Variants in PLB1 observed in about 807,000 individuals in gnomAD.
PLB1 encodes the protein phospholipase B1, membrane-associated.
A neutral mutation model predicts 227.4 loss-of-function variants in PLB1; 242 were observed. That is an observed-to-expected ratio of 1.06 (90% CI 0.96 to 1.18). The LOEUF (loss-of-function observed/expected upper bound fraction) is 1.18, where lower values mean the gene tolerates loss of function less well. Among genes scored for constraint, PLB1 ranks in the 50% most tolerant of loss-of-function variants. The pLI is 0.00. For synonymous variants in PLB1, 757 were observed against 682.2 expected (o/e 1.11, Z -1.71); for missense variants, 1,858 against 1,816.3 (o/e 1.02, Z -0.42).
In PLB1 at chr2:28,536,868, C is replaced by T. The variant is rs35732289; in HGVS notation, c.556-1451C>T. On this transcript the variant is annotated intron_variant, in intron 9 of 57. Coordinates refer to ENST00000327757, the MANE Select transcript of PLB1 (RefSeq NM_153021.5). ...GAATGACTGGGTGGGCCCCAATTCC[C>T]TCTGCAGCTGCAAGTAAACACCTTG... 5.3e-3 allele frequency among the ~76,000 whole-genome samples: 805 copies of T among 152,310 alleles called. 7 individuals are homozygous for T. Among genetic ancestry groups the T allele is most frequent in the Non-Finnish European group, 9.4e-3 (638 of 68,014 alleles).
In PLB1 at chr2:28,569,984, GA is replaced by G. The variant is rs1558788917; in HGVS notation, c.1324+3151del. Among the ~76,000 whole-genome samples the G allele has an allele frequency of 2.5e-4, 9 of 36,312 alleles. 1 individual carries two copies. The highest frequency in any genetic ancestry group is 1.6e-3 in the Non-Finnish European group (9 of 5,752). 23.8% of individuals were successfully genotyped at this position (36,312 alleles called of 152,430 possible). The stretch of plus-strand genomic sequence containing the variant: ...CCATCTCAAAAAAAAAAAAAAGAAA[GA>G]AAAAAGAAAATCTGAATAGATTTAT... On this transcript the variant is annotated intron_variant, in intron 20 of 57. Coordinates refer to ENST00000327757, the MANE Select transcript of PLB1 (RefSeq NM_153021.5).
intron 22 of PLB1, among the ~76,000 whole-genome samples, chr2:28,579,311 T>G (rs1302153967): frequency 6.6e-6 from 1 of 152,120 alleles, no homozygotes; most frequent in Non-Finnish European, 1.5e-5. Context: ...CTTCCCCACT[T>G]CCTTGCTATG....
intron 11 of PLB1, 78 bp downstream of exon 11, chr2:28,539,256 C>A: frequency 1.5e-6 from 2 of 1,297,216 alleles, no homozygotes; most frequent in Non-Finnish European, 2.2e-6. Context: ...CCTTCATGTG[C>A]CGTAATCTAT....
intron 9 of PLB1, among the ~76,000 whole-genome samples, chr2:28,532,845 C>T (rs953782991): frequency 4.6e-5 from 7 of 152,176 alleles, no homozygotes; most frequent in African/African-American, 1.7e-4. Flanking sequence ...GGAAACAGGA[C>T]ATGAAGCGTG....
At chr2:28,608,491 C>T (rs71443087) in intron 43 of PLB1, among the ~76,000 whole-genome samples, 178 of 152,332 alleles carry the variant, frequency 1.2e-3, no homozygotes, top group Non-Finnish European at 2.1e-3. Context: ...TTCTCCCATC[C>T]GCAGTCTAAC....
At chr2:28,617,852 C>A in intron 45 of PLB1, 65 bp downstream of exon 45, 2 of 1,473,552 alleles carry the variant, frequency 1.4e-6, no homozygotes, top group Non-Finnish European at 1.9e-6. Flanking sequence ...TGTGGGGAGA[C>A]CCTGCAAACA....
chr2:28,559,610 A>G (rs1044301278), intron 17 of PLB1, among the ~76,000 whole-genome samples: 5 of 152,060 alleles, frequency 3.3e-5, no homozygotes, highest in Non-Finnish European at 5.9e-5. Context: ...TTTCCACTCA[A>G]TGTTAATCCG....
intron 51 of PLB1, among the ~76,000 whole-genome samples, chr2:28,627,555 C>G (rs1037008885): frequency 2.0e-5 from 3 of 152,192 alleles, no homozygotes; most frequent in African/African-American, 7.2e-5. Context: ...CTGGGAGACA[C>G]GAGGTCCCCT....
intron 49 of PLB1, among the ~76,000 whole-genome samples, chr2:28,622,506 T>G (rs1304397525): frequency 6.6e-6 from 1 of 152,250 alleles, no homozygotes; most frequent in East Asian, 1.9e-4. Context: ...ATCTTCAGTT[T>G]CAAAGTTTTT....
At position 28,579,676 on chromosome 2, in the gene PLB1, G is replaced by A; in HGVS notation, c.1535G>A (p.Gly512Asp). 1 of 1,613,344 alleles carries A rather than the reference G, an allele frequency of 6.2e-7. No individual in the cohort carries two copies. Among genetic ancestry groups the A allele is most frequent in the East Asian group, 2.2e-5 (1 of 44,856 alleles). ...AAGATAATAACCCTGTTTATAGGCG[G>A]CAATGACCTCTGTGATTTCTGCAAT... ...DWKIITLFIG[G>D]NDLCDFCNDL... The change falls in exon 23 of 58, where the codon GGC becomes GAC. Residue 512 changes from glycine (G) to aspartate (D), a missense_variant. Transcript: ENST00000327757.
chr2:28,522,890 T>C (rs1347349437), intron 4 of PLB1, among the ~76,000 whole-genome samples: 1 of 152,146 alleles, frequency 6.6e-6, no homozygotes, highest in African/African-American at 2.4e-5. Flanking sequence ...TGAACTTACC[T>C]GGGGTGTGTA....
At chr2:28,591,290 GC>G in intron 30 of PLB1, 119 bp downstream of exon 30, 3 of 1,258,440 alleles carry the variant, frequency 2.4e-6, no homozygotes, top group Non-Finnish European at 2.3e-6. Context: ...GGGCATAAAG[GC>G]CACCCACCTG....
At chr2:28,637,676 G>T (rs905076331) in intron 56 of PLB1, among the ~76,000 whole-genome samples, 1 of 152,192 alleles carries the variant, frequency 6.6e-6, no homozygotes, top group African/African-American at 2.4e-5. Context: ...GCATGTTACA[G>T]TCTAGTGACT....
intron 41 of PLB1, among the ~76,000 whole-genome samples, 189 bp downstream of exon 41, chr2:28,604,948 A>G (rs1194678139): frequency 6.6e-6 from 1 of 152,220 alleles, no homozygotes; most frequent in Non-Finnish European, 1.5e-5. Context: ...GACCCCTGTA[A>G]CAGCCTCCAT....
chr2:28,604,584 C>G lies in PLB1; in HGVS notation c.2857-71C>G, dbSNP rs1684381819. 3.2e-6 allele frequency: 4 copies of G among 1,255,672 alleles called. No individual in the cohort carries two copies. The African/African-American group carries it at 4.4e-5, about 14-fold the overall frequency. 77.8% of individuals were successfully genotyped at this position (1,255,672 alleles called of 1,614,324 possible). A position where few individuals can be genotyped will look rare whatever the true frequency, so the allele number is the denominator to read the frequency against. On this transcript the variant is annotated intron_variant, in intron 40 of 57. Transcript: ENST00000327757. ...CCAGGGAGATGGACTGCCCACCACC[C>G]CTACTCTTGCCTCACTGGGTCCTGG...
chr2:28,561,787 C>G (rs112248733), intron 17 of PLB1, among the ~76,000 whole-genome samples: 1,618 of 152,202 alleles, frequency 0.011, 23 homozygotes, highest in African/African-American at 0.037. Flanking sequence ...ACTCAGGAGG[C>G]TGAGGTGGGA....
At chr2:28,550,699 C>T (rs10170074) in intron 16 of PLB1, among the ~76,000 whole-genome samples, 95,746 of 151,310 alleles carry the variant, frequency 0.63, 31,093 homozygotes, top group Non-Finnish European at 0.71. Context: ...CAACACCACA[C>T]CCGGCTATTT....
intron 21 of PLB1, among the ~76,000 whole-genome samples, chr2:28,577,472 GC>G (rs943386994): frequency 2.0e-5 from 3 of 152,218 alleles, no homozygotes; most frequent in African/African-American, 7.2e-5. Context: ...ATACTTACAG[GC>G]AAAACTTCTG....
chr2:28,539,087 G>A lies in PLB1; in HGVS notation c.619-12G>A, dbSNP rs1672107672. 2.5e-6 allele frequency: 4 copies of A among 1,608,976 alleles called. No individual in the cohort carries two copies. Among genetic ancestry groups the A allele is most frequent in the Non-Finnish European group, 3.4e-6 (4 of 1,175,224 alleles). On this transcript the variant is annotated splice_polypyrimidine_tract_variant and intron_variant, in intron 10 of 57. Transcript: ENST00000327757. ...GGCAAATACTCACCTCCCTCTCTGT[G>A]TGTCCTCCTAGGTCCCCAGAGCATT...
Sources: allele counts gnomAD v4.1 joint callset (sites outside exome capture counted in the v4.1 genomes callset), GRCh38; gene constraint gnomAD v4.1.1; transcripts MANE v1.5; gene names NCBI Gene and HGNC (gene_info 2026-07-23, HGNC 2026-07-21).